Variants in LRMDA observed in about 807,000 individuals in gnomAD.
LRMDA encodes leucine rich melanocyte differentiation associated.
Under a neutral mutation model 29.8 loss-of-function variants are expected in LRMDA, and 18 were observed. That is an observed-to-expected ratio of 0.60 (90% confidence interval 0.42 to 0.90). LRMDA has a LOEUF of 0.90. Among genes scored for constraint, LRMDA ranks in the 40% least tolerant of loss-of-function variants. The pLI is 0.00. For synonymous variants in LRMDA, 125 were observed against 109.4 expected, an observed-to-expected ratio of 1.14 and a Z score of -0.89; for missense variants, 273 against 273.9, an observed-to-expected ratio of 1.00 and a Z score of 0.02.
chr10:76,238,875 A>T (rs904117151), intron 5 of LRMDA, among the ~76,000 whole-genome samples: 5 of 152,212 alleles, frequency 3.3e-5, no homozygotes. Flanking sequence ...ACTTGGCAGG[A>T]AGGACATGGC....
At chr10:76,223,211 A>G (rs1851881342) in intron 5 of LRMDA, among the ~76,000 whole-genome samples, 1 of 152,078 alleles carries the variant, frequency 6.6e-6, no homozygotes, top group African/African-American at 2.4e-5. Context: ...GCACATGTAT[A>G]CATATGTAGC....
At chr10:75,953,888 T>G (rs1846620339) in intron 2 of LRMDA, among the ~76,000 whole-genome samples, 1 of 152,106 alleles carries the variant, frequency 6.6e-6, no homozygotes, top group South Asian at 2.1e-4. Flanking sequence ...GAGTGGTGGA[T>G]CTTAAAAAGG....
intron 2 of LRMDA, among the ~76,000 whole-genome samples, chr10:75,998,202 G>C (rs1366442539): frequency 6.6e-6 from 1 of 152,158 alleles, no homozygotes; most frequent in African/African-American, 2.4e-5. Context: ...CAAACCTCTA[G>C]TCTGCTGCCT....
At chr10:75,751,400 A>T (rs1254761522) in intron 2 of LRMDA, among the ~76,000 whole-genome samples, 1 of 151,910 alleles carries the variant, frequency 6.6e-6, no homozygotes, top group Non-Finnish European at 1.5e-5. Context: ...GAATATAGAA[A>T]CTTTAACCTG....
intron 2 of LRMDA, among the ~76,000 whole-genome samples, chr10:75,700,914 A>T (rs1366846739): frequency 8.5e-5 from 13 of 152,330 alleles, no homozygotes; most frequent in African/African-American, 2.9e-4. Context: ...TGATCATTCC[A>T]CTTTGCAGTC....
At chr10:75,955,145 T>C (rs898874703) in intron 2 of LRMDA, among the ~76,000 whole-genome samples, 2 of 152,224 alleles carry the variant, frequency 1.3e-5, no homozygotes, top group Non-Finnish European at 2.9e-5. Flanking sequence ...ACATTGGTTA[T>C]CTTGTAAGAT....
At chr10:75,484,937 CAATGTT>C (rs1345653751) in intron 2 of LRMDA, among the ~76,000 whole-genome samples, 1 of 152,164 alleles carries the variant, frequency 6.6e-6, no homozygotes, top group Non-Finnish European at 1.5e-5. Context: ...CAGACTAATA[CAATGTT>C]ATACTTACAT....
chr10:75,782,056 T>TGA (rs1462679175), intron 2 of LRMDA, among the ~76,000 whole-genome samples: 1 of 152,184 alleles, frequency 6.6e-6, no homozygotes, highest in African/African-American at 2.4e-5. Flanking sequence ...GTGAAGCATG[T>TGA]GAGAACCAAC....
At chr10:76,214,167 T>C (rs1435380589) in intron 5 of LRMDA, among the ~76,000 whole-genome samples, 2 of 152,114 alleles carry the variant, frequency 1.3e-5, no homozygotes, top group South Asian at 2.1e-4. Flanking sequence ...GCTACTGTAA[T>C]TGGGGTTGGG....
At chr10:75,846,627 C>T (rs1283885642) in intron 2 of LRMDA, among the ~76,000 whole-genome samples, 1 of 152,112 alleles carries the variant, frequency 6.6e-6, no homozygotes, top group Non-Finnish European at 1.5e-5. Flanking sequence ...ACAAATATTT[C>T]ATGAGCTTCA....
rs1205171214 is a variant in LRMDA, at chr10:76,281,444, C to A, written c.517-42957C>A. Among the ~76,000 whole-genome samples the A allele has an allele frequency of 4.6e-5, 7 of 152,078 alleles. No homozygotes were observed. The East Asian group carries it at 1.4e-3, about 29-fold the overall frequency. On this transcript the variant is annotated intron_variant, in intron 5 of 6. Transcript: ENST00000611255. ...CCTCTACTTCTGGGGTACATAACGG[C>A]CCTATTGAAAACCCTAATTCTATAT... is the stretch of plus-strand genomic sequence containing the variant.
intron 2 of LRMDA, among the ~76,000 whole-genome samples, chr10:75,686,442 T>C (rs1842082770): frequency 6.6e-6 from 1 of 152,226 alleles, no homozygotes; most frequent in African/African-American, 2.4e-5. Flanking sequence ...TGCTTGCTTG[T>C]TCATAAGACT....
chr10:75,680,297 T>G (rs1842008537), intron 2 of LRMDA, among the ~76,000 whole-genome samples: 1 of 152,158 alleles, frequency 6.6e-6, no homozygotes, highest in South Asian at 2.1e-4. Flanking sequence ...CCAGTTGGAC[T>G]CCATTCTGGG....
intron 6 of LRMDA, among the ~76,000 whole-genome samples, chr10:76,530,480 A>G (rs1242972624): frequency 6.6e-6 from 1 of 152,194 alleles, no homozygotes; most frequent in Non-Finnish European, 1.5e-5. Context: ...AATATTAGTT[A>G]TCTCATAAAG....
intron 6 of LRMDA, among the ~76,000 whole-genome samples, chr10:76,535,186 T>C (rs1279885301): frequency 1.3e-5 from 2 of 152,210 alleles, no homozygotes; most frequent in Non-Finnish European, 2.9e-5. Context: ...AAATAACTTT[T>C]CAAGTCAGGC....
At chr10:76,313,944 ATT>A (rs1358868608) in intron 5 of LRMDA, among the ~76,000 whole-genome samples, 1 of 152,126 alleles carries the variant, frequency 6.6e-6, no homozygotes, top group African/African-American at 2.4e-5. Context: ...AACTTTACTC[ATT>A]TGTTAATGAC....
At chr10:75,879,447 C>T (rs894924375) in intron 2 of LRMDA, among the ~76,000 whole-genome samples, 1 of 152,234 alleles carries the variant, frequency 6.6e-6, no homozygotes, top group African/African-American at 2.4e-5. Flanking sequence ...CTGGCATTAG[C>T]CATGGTCATT....
intron 6 of LRMDA, among the ~76,000 whole-genome samples, chr10:76,415,290 TCTC>T (rs1842003033): frequency 2.0e-5 from 3 of 152,338 alleles, no homozygotes; most frequent in Admixed American, 1.3e-4. Flanking sequence ...GTCTGAATCT[TCTC>T]CTGCCTTGTT....
At chr10:75,463,136 G>A (rs1246439545) in intron 2 of LRMDA, among the ~76,000 whole-genome samples, 3 of 152,208 alleles carry the variant, frequency 2.0e-5, no homozygotes, top group Non-Finnish European at 4.4e-5. Flanking sequence ...TTCAGCCCGA[G>A]CTGGAGAGCT....
Sources: gnomAD v4.1 joint callset for allele counts (sites outside exome capture counted in the v4.1 genomes callset) on GRCh38, gnomAD v4.1.1 for gene constraint, MANE v1.5 for transcripts, NCBI Gene and HGNC (gene_info 2026-07-23, HGNC 2026-07-21) for gene names.